COG3: variants seen among roughly 807,000 people sequenced by gnomAD.
COG3 encodes component of oligomeric golgi complex 3.
Under a neutral mutation model 114.1 loss-of-function variants are expected in COG3, and 32 were observed. The ratio of observed to expected loss-of-function variants is 0.28; its 90% CI spans 0.21 to 0.38. The LOEUF (loss-of-function observed/expected upper bound fraction) is 0.38, where lower values mean the gene tolerates loss of function less well. COG3 is among the 10% of genes least tolerant of loss of function. The pLI is 1.00. For missense variants in COG3, 813 were observed against 973.2 expected (o/e 0.84, Z 2.19); for synonymous variants, 352 against 365.7 (o/e 0.96, Z 0.43).
chr13:45,508,878 A>G (rs1434705251), intron 14 of COG3, among the ~76,000 whole-genome samples: 1 of 152,110 alleles, frequency 6.6e-6, no homozygotes, highest in Admixed American at 6.5e-5. Context: ...GGATGTACTA[A>G]CTAGGCCTGT....
rs867696175 is a variant in COG3, at chr13:45,535,390, A to G, written c.*659A>G. ...CCCCTTGAATTGCTTAGGTGCAGAC[A>G]GTTCTAAAGCAAGGAGCTGCAGCAT... On this transcript the variant is annotated 3_prime_UTR_variant, in exon 23 of 23. Transcript: ENST00000349995. The G allele has an allele frequency of 1.0e-6, 1 of 985,486 alleles. No homozygotes were observed. The highest frequency in any genetic ancestry group is 1.7e-5 in the African/African-American group (1 of 57,368). The allele number at this position is 985,486 out of a possible 1,614,324, so 61.0% of individuals were successfully genotyped here.
At chr13:45,481,157 T>C in intron 4 of COG3, 73 bp from the exon 5 acceptor site, 1 of 790,440 alleles carries the variant, frequency 1.3e-6, no homozygotes, top group Non-Finnish European at 2.2e-6. Flanking sequence ...ATCTGTTTAG[T>C]GTAACTTTGA....
At chr13:45,500,080 GTGTGTGTGTGTGTGTATATATATATA>G (rs1291380211) in intron 13 of COG3, among the ~76,000 whole-genome samples, 15 of 51,386 alleles carry the variant, frequency 2.9e-4, no homozygotes, top group African/African-American at 8.2e-4. Context: ...GTGTGTGTGT[GTGTGTGTGTGTGTGTATATATATATA>G]TATATATATA....
At chr13:45,521,351 C>G (rs1045533237) in intron 19 of COG3, among the ~76,000 whole-genome samples, 2 of 152,194 alleles carry the variant, frequency 1.3e-5, no homozygotes, top group African/African-American at 4.8e-5. Context: ...CCATTAGAAG[C>G]CAGTCTCATC....
chr13:45,471,242 G>GA (rs113159140), intron 1 of COG3, among the ~76,000 whole-genome samples: 1 of 149,794 alleles, frequency 6.7e-6, no homozygotes, highest in African/African-American at 2.5e-5. Context: ...CGTCTCTACA[G>GA]AAAAAAAAAA....
intron 10 of COG3, among the ~76,000 whole-genome samples, 172 bp downstream of exon 10, chr13:45,491,710 T>C (rs1394241653): frequency 6.6e-6 from 1 of 152,204 alleles, no homozygotes; most frequent in Non-Finnish European, 1.5e-5. Context: ...CTTTGCAAAA[T>C]ATTCTCATTT....
Position 45,473,994 on chromosome 13 carries a change from A to G in COG3, c.175-2207A>G, listed in dbSNP as rs1593674309. ...TTTACATGAACAAGTGATGCCCTTA[A>G]TAAGAACTGTTTACCTACACCTAGG... On this transcript the variant is annotated intron_variant, in intron 1 of 22. Transcript: ENST00000349995. 2.6e-5 allele frequency among the ~76,000 whole-genome samples: 4 copies of G among 152,294 alleles called. 1 individual carries two copies. In the Middle Eastern group the frequency reaches 0.014, roughly 522 times the overall value.
intron 7 of COG3, 63 bp downstream of exon 7, chr13:45,483,418 C>A: frequency 7.3e-7 from 1 of 1,365,676 alleles, no homozygotes; most frequent in Non-Finnish European, 9.8e-7. Context: ...CATTCATCTT[C>A]CATAATCTTT....
rs1873515785 is a variant in COG3, at chr13:45,535,828, C to T, written c.*1097C>T. The stretch of plus-strand genomic sequence containing the variant: ...TGAATTTTCCAACAAATTCCTACTT[C>T]CTGATTGGATTGGTTTTGCCGCTGA... On this transcript the variant is annotated 3_prime_UTR_variant, in exon 23 of 23. Transcript: ENST00000349995. 1.0e-6 allele frequency: 1 copy of T among 987,560 alleles called. No individual in the cohort carries two copies. The highest frequency in any genetic ancestry group is 6.1e-5 in the Admixed American group (1 of 16,286). 61.2% of individuals were successfully genotyped at this position (987,560 alleles called of 1,614,324 possible). A position where few individuals can be genotyped will look rare whatever the true frequency, so the allele number is the denominator to read the frequency against.
At chr13:45,512,452 C>A (rs540533090) in intron 16 of COG3, among the ~76,000 whole-genome samples, 1 of 152,162 alleles carries the variant, frequency 6.6e-6, no homozygotes, top group Admixed American at 6.5e-5. Context: ...CTACCTCAGC[C>A]TCCCAAGAAT....
At chr13:45,475,827 G>C (rs1435439802) in intron 1 of COG3, among the ~76,000 whole-genome samples, 1 of 151,888 alleles carries the variant, frequency 6.6e-6, no homozygotes, top group Non-Finnish European at 1.5e-5. Flanking sequence ...TTAGCTGGGC[G>C]TGGTGTTGCG....
chr13:45,511,948 G>A, intron 16 of COG3, 94 bp downstream of exon 16: 1 of 941,278 alleles, frequency 1.1e-6, no homozygotes, highest in African/African-American at 1.6e-5. Flanking sequence ...AGCTGTTTTG[G>A]CAGTAGGATT....
intron 14 of COG3, among the ~76,000 whole-genome samples, chr13:45,503,635 A>G (rs1427413417): frequency 6.6e-6 from 1 of 152,124 alleles, no homozygotes; most frequent in Non-Finnish European, 1.5e-5. Flanking sequence ...TCTGAGAGCT[A>G]TAATGTGTTT....
chr13:45,515,218 C>T (rs779872232), intron 16 of COG3, among the ~76,000 whole-genome samples: 4 of 152,144 alleles, frequency 2.6e-5, no homozygotes, highest in East Asian at 1.9e-4. Context: ...TCTGTGTTCC[C>T]GTATGCAGAG....
At chr13:45,528,281 C>A (rs1175338677) in intron 20 of COG3, among the ~76,000 whole-genome samples, 1 of 152,090 alleles carries the variant, frequency 6.6e-6, no homozygotes, top group Non-Finnish European at 1.5e-5. Context: ...TTTGGGAACA[C>A]CCTACTGTCT....
At chr13:45,506,554 T>C (rs578148489) in intron 14 of COG3, among the ~76,000 whole-genome samples, 1 of 152,266 alleles carries the variant, frequency 6.6e-6, no homozygotes, top group East Asian at 1.9e-4. Flanking sequence ...TCTGCGAGTA[T>C]TAAGAAAATC....
At chr13:45,522,425 T>C (rs1306926633) in intron 19 of COG3, among the ~76,000 whole-genome samples, 1 of 152,212 alleles carries the variant, frequency 6.6e-6, no homozygotes, top group East Asian at 1.9e-4. Flanking sequence ...ATGTAGCTTC[T>C]TCCTCTGTGC....
intron 7 of COG3, among the ~76,000 whole-genome samples, chr13:45,485,157 T>C (rs1290802816): frequency 1.4e-5 from 2 of 147,292 alleles, no homozygotes; most frequent in South Asian, 2.2e-4. Context: ...GAGGGGCTCC[T>C]CACTTCCCAG....
chr13:45,525,712 C>T (rs1482214319), intron 20 of COG3, among the ~76,000 whole-genome samples: 3 of 115,300 alleles, frequency 2.6e-5, no homozygotes, highest in African/African-American at 1.0e-4. Context: ...TTTGGTACCT[C>T]TTGCGGCATT....
Sources: allele counts gnomAD v4.1 joint callset (sites outside exome capture counted in the v4.1 genomes callset), GRCh38; gene constraint gnomAD v4.1.1; transcripts MANE v1.5; gene names NCBI Gene and HGNC (gene_info 2026-07-23, HGNC 2026-07-21).